Variants in ATP9A observed in about 807,000 individuals in gnomAD.
The protein encoded by ATP9A is ATPase phospholipid transporting 9A.
ATP9A carries 52 observed loss-of-function variants against 144.1 expected under a neutral mutation model. The observed-to-expected ratio is 0.36, with a 90% CI of 0.29 to 0.45. The LOEUF is 0.45. ATP9A is among the 20% of genes least tolerant of loss of function. The pLI, the probability that ATP9A is intolerant of heterozygous loss-of-function variation, is 1.00. For missense variants in ATP9A, 947 were observed against 1,392.7 expected, an observed-to-expected ratio of 0.68 and a Z score of 5.09; for synonymous variants, 582 against 557.4, an observed-to-expected ratio of 1.04 and a Z score of -0.62.
At chr20:51,643,610 C>G (rs2077329542) in intron 14 of ATP9A, among the ~76,000 whole-genome samples, 1 of 152,094 alleles carries the variant, frequency 6.6e-6, no homozygotes, top group Non-Finnish European at 1.5e-5. Flanking sequence ...AGGCCCTCAC[C>G]AGACACCAAA....
intron 14 of ATP9A, among the ~76,000 whole-genome samples, chr20:51,654,294 G>A (rs1292172978): frequency 6.6e-6 from 1 of 152,080 alleles, no homozygotes; most frequent in Non-Finnish European, 1.5e-5. Context: ...CCCAAAAAAG[G>A]GAGAAAGAAG....
At chr20:51,658,826 T>C (rs1329050114) in intron 13 of ATP9A, among the ~76,000 whole-genome samples, 7 of 146,594 alleles carry the variant, frequency 4.8e-5, no homozygotes, top group Non-Finnish European at 8.9e-5. Flanking sequence ...GACCCCCACC[T>C]AGGCTTCCTT....
chr20:51,663,779 GCGAGACTCCGT>G (rs2077421144), intron 13 of ATP9A, among the ~76,000 whole-genome samples: 1 of 143,296 alleles, frequency 7.0e-6, no homozygotes, highest in Non-Finnish European at 1.5e-5. Context: ...GGGAAACAGA[GCGAGACTCCGT>G]CTCAGAAAAA....
At chr20:51,694,580 G>A (rs569695896) in intron 6 of ATP9A, among the ~76,000 whole-genome samples, 8 of 152,260 alleles carry the variant, frequency 5.3e-5, no homozygotes, top group South Asian at 2.1e-4. Flanking sequence ...CAGTTTCCTC[G>A]TGTGTAAAAG....
chr20:51,631,635 G>A (rs556896482), intron 15 of ATP9A, among the ~76,000 whole-genome samples: 3 of 152,230 alleles, frequency 2.0e-5, no homozygotes, highest in South Asian at 2.1e-4. Context: ...TACAGAGATC[G>A]GCCGGCTGTG....
chr20:51,679,194 C>T (rs2077489984), intron 9 of ATP9A, among the ~76,000 whole-genome samples: 1 of 152,112 alleles, frequency 6.6e-6, no homozygotes, highest in Non-Finnish European at 1.5e-5. Flanking sequence ...CATGGTGGCT[C>T]ATGCCTGTAA....
chr20:51,684,098 T>C (rs1390532743), intron 9 of ATP9A, among the ~76,000 whole-genome samples: 1 of 152,020 alleles, frequency 6.6e-6, no homozygotes, highest in Non-Finnish European at 1.5e-5. Flanking sequence ...GGTGGGAGAA[T>C]CATTTGAACC....
chr20:51,713,164 C>T lies in ATP9A; in HGVS notation c.328-90G>A, dbSNP rs995631665. 5 of 1,222,124 alleles carry T rather than the reference C, an allele frequency of 4.1e-6. No homozygotes were observed. In the Admixed American group the frequency reaches 5.9e-5, roughly 14 times the overall value. The allele number at this position is 1,222,124 out of a possible 1,614,324, so 75.7% of individuals were successfully genotyped here. A position where few individuals can be genotyped will look rare whatever the true frequency, so the allele number is the denominator to read the frequency against. ...CTCCTGGTGCCAGGGGCAGGAAAGG[C>T]GAGAGGTCACTTGGGAGGGCAGGGG... On this transcript the variant is annotated intron_variant, in intron 3 of 27. Coordinates refer to ENST00000338821, the MANE Select transcript of ATP9A (RefSeq NM_006045.3).
chr20:51,642,109 T>G (rs1467068541), intron 14 of ATP9A, among the ~76,000 whole-genome samples: 5 of 152,154 alleles, frequency 3.3e-5, no homozygotes, highest in Non-Finnish European at 7.4e-5. Flanking sequence ...TCCTTTCCTG[T>G]TGTTGCTGTA....
intron 1 of ATP9A, among the ~76,000 whole-genome samples, chr20:51,763,255 C>T (rs559702402): frequency 2.0e-5 from 3 of 148,746 alleles, no homozygotes; most frequent in Non-Finnish European, 4.4e-5. Context: ...AAACCCATGC[C>T]GGAGTGATGG....
At chr20:51,656,557 A>G (rs1432715821) in intron 14 of ATP9A, among the ~76,000 whole-genome samples, 1 of 152,092 alleles carries the variant, frequency 6.6e-6, no homozygotes, top group African/African-American at 2.4e-5. Flanking sequence ...TATCTCGGGG[A>G]AAAAAATAAA....
chr20:51,730,804 T>C (rs1305302102), intron 1 of ATP9A, among the ~76,000 whole-genome samples: 1 of 152,190 alleles, frequency 6.6e-6, no homozygotes, highest in African/African-American at 2.4e-5. Context: ...TCTAATCTAA[T>C]GGGGCCACTG....
At chr20:51,752,860 T>A (rs1289445822) in intron 1 of ATP9A, among the ~76,000 whole-genome samples, 1 of 152,164 alleles carries the variant, frequency 6.6e-6, no homozygotes, top group Non-Finnish European at 1.5e-5. Context: ...CCCAGCAGTT[T>A]GGGAGGCCAA....
At chr20:51,697,559 C>G in intron 4 of ATP9A, 77 bp from the exon 5 acceptor site, 2 of 1,371,136 alleles carry the variant, frequency 1.5e-6, no homozygotes, top group Non-Finnish European at 2.0e-6. Context: ...AGTGCCCAGC[C>G]TGCAAACACA....
chr20:51,650,902 T>TACACACAC (rs10666493), intron 14 of ATP9A, among the ~76,000 whole-genome samples: 1,799 of 149,332 alleles, frequency 0.012, 17 homozygotes, highest in Middle Eastern at 0.034. Flanking sequence ...ACATCACACA[T>TACACACAC]ACACACACAC....
rs112802002 is a variant in ATP9A at position 51,697,743 on chromosome 20, C to T, written c.437-261G>A. On this transcript the variant is annotated intron_variant, in intron 4 of 27. Coordinates refer to ENST00000338821, the MANE Select transcript of ATP9A (RefSeq NM_006045.3). ...CCTTCATGAAAGATCATTTATTTGC[C>T]TTCAGAGTGACTTAGATGGAAAGTA... Among the ~76,000 whole-genome samples the T allele has an allele frequency of 2.1e-3, 320 of 152,234 alleles. 1 individual carries two copies. Among genetic ancestry groups the T allele is most frequent in the African/African-American group, 7.4e-3 (307 of 41,528 alleles).
chr20:51,704,538 T>C (rs1337240768), intron 4 of ATP9A, among the ~76,000 whole-genome samples: 1 of 152,166 alleles, frequency 6.6e-6, no homozygotes, highest in Non-Finnish European at 1.5e-5. Flanking sequence ...CCCAGCACTT[T>C]GGGAGGCTGA....
At position 51,692,310 on chromosome 20, in the gene ATP9A, A is replaced by G. The variant is rs546911122; in HGVS notation, c.643-1491T>C. Among the ~76,000 whole-genome samples the G allele has an allele frequency of 5.9e-5, 9 of 152,372 alleles. No homozygotes were observed. The South Asian group carries it at 1.9e-3, about 32-fold the overall frequency. On this transcript the variant is annotated intron_variant, in intron 7 of 27. Coordinates refer to ENST00000338821, the MANE Select transcript of ATP9A (RefSeq NM_006045.3). ...GCAAACAAGAAGTCAACCTTAGGTGATAAGAAAGCCCAAAAGTGAAAGATC... is the reference window on the plus strand; with the variant it reads ...GCAAACAAGAAGTCAACCTTAGGTGGTAAGAAAGCCCAAAAGTGAAAGATC...
rs76108974 is a variant in ATP9A, at chr20:51,612,373, C to T, written c.2571+1304G>A. On this transcript the variant is annotated intron_variant, in intron 23 of 27. Coordinates refer to ENST00000338821, the MANE Select transcript of ATP9A (RefSeq NM_006045.3). ...AATACCAAAAATATTTTCTTTCCCT[C>T]CTTTGGCCTCCTTTCTACTCCACAC... Among the ~76,000 whole-genome samples, 336 of 152,288 alleles carry T rather than the reference C, an allele frequency of 2.2e-3. 3 individuals carry two copies. Among genetic ancestry groups the T allele is most frequent in the East Asian group, 0.011 (58 of 5,182 alleles).
Sources: allele counts gnomAD v4.1 joint callset (sites outside exome capture counted in the v4.1 genomes callset), GRCh38; gene constraint gnomAD v4.1.1; transcripts MANE v1.5; gene names NCBI Gene and HGNC (gene_info 2026-07-23, HGNC 2026-07-21).